The following ATF7IP variants were observed in gnomAD, a reference collection of about 807,000 sequenced individuals.
ATF7IP encodes the protein activating transcription factor 7-interacting protein 1.
In ATF7IP, 23 loss-of-function variants were observed where a neutral mutation model predicts 106.4. The observed-to-expected ratio is 0.22, with a 90% CI of 0.16 to 0.31. The LOEUF (loss-of-function observed/expected upper bound fraction) is 0.31. ATF7IP is among the 10% of genes least tolerant of loss of function. ATF7IP has a pLI of 1.00. For missense variants in ATF7IP, 1,334 were observed against 1,524.3 expected (o/e 0.88, Z 2.08); for synonymous variants, 542 against 539.0 (o/e 1.01, Z -0.08).
chr12:14,456,491 T>A, intron 6 of ATF7IP, 70 bp from the exon 7 acceptor site: 1 of 1,039,326 alleles, frequency 9.6e-7, no homozygotes, highest in Non-Finnish European at 1.5e-6. Flanking sequence ...CATCTACAGG[T>A]CTAATTTTTT....
intron 1 of ATF7IP, among the ~76,000 whole-genome samples, chr12:14,400,139 G>T (rs767004948): frequency 8.5e-5 from 13 of 152,168 alleles, no homozygotes; most frequent in East Asian, 1.9e-4. Context: ...TCACACTGGC[G>T]TATCAGGTCT....
chr12:14,448,944 A>G (rs1343872592), intron 6 of ATF7IP, among the ~76,000 whole-genome samples: 6 of 152,106 alleles, frequency 3.9e-5, no homozygotes, highest in African/African-American at 1.2e-4. Flanking sequence ...CCATTTATGT[A>G]TCTCCTTTGG....
intron 13 of ATF7IP, among the ~76,000 whole-genome samples, chr12:14,493,946 C>G (rs1158028430): frequency 1.3e-5 from 2 of 151,968 alleles, no homozygotes; most frequent in Non-Finnish European, 2.9e-5. Context: ...TTAGGAGCAA[C>G]TGACCAGCTT....
chr12:14,371,008 C>T (rs1938513976), intron 1 of ATF7IP, among the ~76,000 whole-genome samples: 1 of 150,688 alleles, frequency 6.6e-6, no homozygotes, highest in African/African-American at 2.4e-5. Flanking sequence ...ATTTTAGTTT[C>T]CTTGGTATCA....
intron 1 of ATF7IP, among the ~76,000 whole-genome samples, chr12:14,409,301 G>A (rs531622956): frequency 6.6e-6 from 1 of 152,150 alleles, no homozygotes; most frequent in Admixed American, 6.5e-5. Context: ...GATAAAATGT[G>A]ACAAAGCCAT....
At chr12:14,414,089 C>T (rs1941070510) in intron 1 of ATF7IP, among the ~76,000 whole-genome samples, 2 of 152,160 alleles carry the variant, frequency 1.3e-5, no homozygotes, top group African/African-American at 4.8e-5. Context: ...AATGTTAGAA[C>T]ATGGAATAGA....
intron 12 of ATF7IP, among the ~76,000 whole-genome samples, chr12:14,479,219 T>C (rs978144904): frequency 1.1e-4 from 16 of 152,218 alleles, no homozygotes; most frequent in Admixed American, 2.6e-4. Context: ...ATATGACTTA[T>C]TCTGAGTGTA....
chr12:14,406,389 G>A (rs1247097583), intron 1 of ATF7IP, among the ~76,000 whole-genome samples: 2 of 151,650 alleles, frequency 1.3e-5, no homozygotes, highest in African/African-American at 2.4e-5. Context: ...GAGAGCCACC[G>A]CGCCTGGCCT....
rs1411555780 is a variant in ATF7IP, at chr12:14,418,190, C to T, written c.-7-5719C>T. On this transcript the variant is annotated intron_variant, in intron 1 of 14. Coordinates refer to ENST00000261168, the MANE Select transcript of ATF7IP (RefSeq NM_018179.5). ...TTATTTGCAGGTAACATACCCTTCT[C>T]TGGTTATTTAAATATAAATTTCTAT... Among the ~76,000 whole-genome samples the T allele has an allele frequency of 2.0e-5, 3 of 152,126 alleles. No homozygotes were observed. The East Asian group carries it at 5.8e-4, about 29-fold the overall frequency.
intron 1 of ATF7IP, among the ~76,000 whole-genome samples, chr12:14,401,923 A>G (rs1386196610): frequency 6.6e-6 from 1 of 150,946 alleles, no homozygotes; most frequent in Non-Finnish European, 1.5e-5. Context: ...CTTGTTGTCC[A>G]GGCTGGTCTC....
At chr12:14,450,361 T>C (rs1943154833) in intron 6 of ATF7IP, among the ~76,000 whole-genome samples, 1 of 152,210 alleles carries the variant, frequency 6.6e-6, no homozygotes, top group African/African-American at 2.4e-5. Context: ...GATGAGTGTT[T>C]TATTTATTTT....
intron 14 of ATF7IP, 48 bp downstream of exon 14, chr12:14,496,391 A>T (rs1246656932): frequency 8.0e-6 from 10 of 1,245,666 alleles, no homozygotes; most frequent in Non-Finnish European, 1.2e-5. Flanking sequence ...GTAGAGGTAT[A>T]AAATATTATT....
chr12:14,497,589 A>T, intron 14 of ATF7IP, 65 bp from the exon 15 acceptor site: 1 of 1,459,790 alleles, frequency 6.9e-7, no homozygotes, highest in Non-Finnish European at 9.3e-7. Context: ...AAGGTGTTTT[A>T]ATTCTAACAT....
At chr12:14,368,403 C>T (rs563681910) in intron 1 of ATF7IP, among the ~76,000 whole-genome samples, 201 of 152,124 alleles carry the variant, frequency 1.3e-3, no homozygotes, top group Non-Finnish European at 7.9e-4. Context: ...TTTTTAAACA[C>T]ATTTTAAAAT....
intron 10 of ATF7IP, among the ~76,000 whole-genome samples, chr12:14,475,454 A>G (rs191578740): frequency 1.5e-4 from 23 of 152,360 alleles, no homozygotes; most frequent in Non-Finnish European, 2.9e-4. Context: ...ATGATTTCAT[A>G]GTATACCATA....
At chr12:14,496,375 T>C (rs1275673578) in intron 14 of ATF7IP, 32 bp downstream of exon 14, 3 of 1,419,292 alleles carry the variant, frequency 2.1e-6, no homozygotes, top group Non-Finnish European at 3.0e-6. Flanking sequence ...TGCAAAATTC[T>C]CAACTGTAGA....
chr12:14,392,574 C>T (rs549152403), intron 1 of ATF7IP, among the ~76,000 whole-genome samples: 4 of 152,198 alleles, frequency 2.6e-5, no homozygotes, highest in Admixed American at 6.5e-5. Flanking sequence ...CATATAAGAT[C>T]CTTGCTCTCT....
chr12:14,438,318 CTT>C, intron 5 of ATF7IP, 51 bp downstream of exon 5: 2 of 1,442,962 alleles, frequency 1.4e-6, no homozygotes, highest in South Asian at 2.7e-5. Context: ...GTTTTTATAA[CTT>C]ATTTTCTGAG....
At chr12:14,372,710 A>G (rs972362921) in intron 1 of ATF7IP, among the ~76,000 whole-genome samples, 6 of 152,126 alleles carry the variant, frequency 3.9e-5, no homozygotes, top group Non-Finnish European at 8.8e-5. Flanking sequence ...ACCCCTTTGT[A>G]TGATGGTGAT....
Sources: allele counts gnomAD v4.1 joint callset (sites outside exome capture counted in the v4.1 genomes callset), GRCh38; gene constraint gnomAD v4.1.1; transcripts MANE v1.5; gene names NCBI Gene and HGNC (gene_info 2026-07-23, HGNC 2026-07-21).